Variants in HCN1 observed in about 807,000 individuals in gnomAD.
The protein encoded by HCN1 is hyperpolarization activated cyclic nucleotide gated potassium channel 1, also known as potassium/sodium hyperpolarization-activated cyclic nucleotide-gated channel 1.
Under a neutral mutation model 78.9 loss-of-function variants are expected in HCN1, and 13 were observed. The observed-to-expected ratio is 0.16, with a 90% confidence interval of 0.11 to 0.26. The LOEUF is 0.26. HCN1 is among the 10% of genes least tolerant of loss of function. The probability of loss-of-function intolerance (pLI) is 1.00; values close to 1 mark genes in which losing one functional copy is unlikely to be tolerated. For missense variants in HCN1, 810 were observed against 1,154.3 expected, an observed-to-expected ratio of 0.70 and a Z score of 4.32; for synonymous variants, 552 against 455.5, an observed-to-expected ratio of 1.21 and a Z score of -2.70.
At chr5:45,494,748 C>G (rs910883972) in intron 2 of HCN1, among the ~76,000 whole-genome samples, 3 of 152,270 alleles carry the variant, frequency 2.0e-5, no homozygotes, top group Admixed American at 6.5e-5. Flanking sequence ...ACGTTTAAGT[C>G]TTTACTCCAT....
At chr5:45,503,837 A>G (rs1172790890) in intron 2 of HCN1, among the ~76,000 whole-genome samples, 1 of 151,256 alleles carries the variant, frequency 6.6e-6, no homozygotes, top group Non-Finnish European at 1.5e-5. Context: ...CCAGGCTGGA[A>G]TACTATGGTG....
chr5:45,691,935 A>G (rs909310484), intron 1 of HCN1, among the ~76,000 whole-genome samples: 2 of 152,208 alleles, frequency 1.3e-5, no homozygotes, highest in African/African-American at 2.4e-5. Context: ...CAACAAAATA[A>G]GCTTTTCACA....
intron 6 of HCN1, among the ~76,000 whole-genome samples, chr5:45,299,753 G>C (rs1745571631): frequency 6.6e-6 from 1 of 151,824 alleles, no homozygotes; most frequent in Non-Finnish European, 1.5e-5. Flanking sequence ...TGCCTAGATT[G>C]TTTAAACTTC....
At chr5:45,512,285 G>T (rs1742431911) in intron 2 of HCN1, among the ~76,000 whole-genome samples, 2 of 152,038 alleles carry the variant, frequency 1.3e-5, no homozygotes, top group Non-Finnish European at 2.9e-5. Flanking sequence ...TGAAAACTTA[G>T]TGATCTTGTC....
intron 2 of HCN1, among the ~76,000 whole-genome samples, chr5:45,532,402 A>G (rs373398096): frequency 6.6e-6 from 1 of 152,228 alleles, no homozygotes; most frequent in African/African-American, 2.4e-5. Flanking sequence ...TTAGTTTACT[A>G]TAACTTTAGA....
At chr5:45,528,786 T>A (rs1742787888) in intron 2 of HCN1, among the ~76,000 whole-genome samples, 1 of 151,962 alleles carries the variant, frequency 6.6e-6, no homozygotes. Flanking sequence ...TGCTTGTGAT[T>A]TTGAGTCTCA....
rs534295372 is a variant in HCN1 at position 45,619,939 on chromosome 5, A to C, written c.849+25246T>G. 2.0e-5 allele frequency among the ~76,000 whole-genome samples: 3 copies of C among 152,208 alleles called. No individual in the cohort carries two copies. The South Asian group carries it at 6.2e-4, about 32-fold the overall frequency. Reference sequence around the variant, plus strand: ...GGGAAAGGAAAAATAGTATCTTTACAGTGGAGAAATCTGGTAAACATCACC... The same window carrying C: ...GGGAAAGGAAAAATAGTATCTTTACCGTGGAGAAATCTGGTAAACATCACC... On this transcript the variant is annotated intron_variant, in intron 2 of 7. Transcript: ENST00000303230.
intron 2 of HCN1, chr5:45,643,792 G>C (rs1403442841): frequency 6.6e-6 from 1 of 152,048 alleles, no homozygotes; most frequent in Non-Finnish European, 1.5e-5. Context: ...CGTGTAATAA[G>C]CCTTCAATAA....
At chr5:45,373,337 A>T (rs1232066495) in intron 4 of HCN1, among the ~76,000 whole-genome samples, 5 of 118,328 alleles carry the variant, frequency 4.2e-5, no homozygotes, top group South Asian at 4.8e-4. Flanking sequence ...TCATATATTT[A>T]ATATATAAAA....
rs542517829 is a variant in HCN1 at position 45,452,668 on chromosome 5, A to G, written c.1011+9178T>C. Among the ~76,000 whole-genome samples the G allele has an allele frequency of 1.3e-4, 20 of 152,084 alleles. 1 individual carries two copies. The highest frequency in any genetic ancestry group is 4.3e-4 in the African/African-American group (18 of 41,550). On this transcript the variant is annotated intron_variant, in intron 3 of 7. Coordinates refer to ENST00000303230, the MANE Select transcript of HCN1 (RefSeq NM_021072.4). ...CCTCAAAGTTTAAAGAAAATGGGCC[A>G]ATTAGTCTATTCTATATTTTAAGAT...
intron 3 of HCN1, among the ~76,000 whole-genome samples, chr5:45,428,181 T>A (rs1398536208): frequency 1.3e-5 from 2 of 152,068 alleles, no homozygotes; most frequent in African/African-American, 4.8e-5. Context: ...ATATGATAGA[T>A]GCAACATTTG....
At position 45,258,239 on chromosome 5, in the gene HCN1, A is replaced by G. The variant is rs1028621354; in HGVS notation, c.*3682T>C. The G allele has an allele frequency of 5.9e-5, 9 of 152,212 alleles. No individual in the cohort carries two copies. Among genetic ancestry groups the G allele is most frequent in the African/African-American group, 1.9e-4 (8 of 41,456 alleles). The allele number at this position is 152,212 out of a possible 1,614,324, so 9.4% of individuals were successfully genotyped here. A position where few individuals can be genotyped will look rare whatever the true frequency, so the allele number is the denominator to read the frequency against. ...ATAGAGATTGCTCATAATTTGAAGT[A>G]GACATAATTCAGGATTTGAAATAAA... On this transcript the variant is annotated 3_prime_UTR_variant, in exon 8 of 8. Transcript: ENST00000303230.
At chr5:45,571,795 T>A (rs1354095247) in intron 2 of HCN1, among the ~76,000 whole-genome samples, 3 of 152,038 alleles carry the variant, frequency 2.0e-5, no homozygotes, top group African/African-American at 7.2e-5. Flanking sequence ...ATGCCTGTAA[T>A]CCCACCTATT....
At chr5:45,597,238 TC>T (rs1744520385) in intron 2 of HCN1, among the ~76,000 whole-genome samples, 1 of 152,150 alleles carries the variant, frequency 6.6e-6, no homozygotes. Context: ...GTCAACTTCA[TC>T]CCTGGGATGC....
intron 4 of HCN1, among the ~76,000 whole-genome samples, chr5:45,372,326 TATATA>T (rs1283655064): frequency 4.9e-5 from 5 of 101,720 alleles, no homozygotes; most frequent in Non-Finnish European, 8.7e-5. Flanking sequence ...ATATATATGT[TATATA>T]ATATATATCA....
chr5:45,525,372 C>T (rs2111790263), intron 2 of HCN1, among the ~76,000 whole-genome samples: 1 of 151,942 alleles, frequency 6.6e-6, no homozygotes, highest in East Asian at 1.9e-4. Flanking sequence ...AGAAAATTAT[C>T]TTTGTCTGCA....
intron 2 of HCN1, among the ~76,000 whole-genome samples, chr5:45,595,211 T>C (rs1011468663): frequency 2.6e-5 from 4 of 152,218 alleles, no homozygotes; most frequent in African/African-American, 4.8e-5. Context: ...AGACCAGTCA[T>C]GCACAAGAAG....
At chr5:45,514,797 C>A (rs1742486281) in intron 2 of HCN1, among the ~76,000 whole-genome samples, 3 of 151,980 alleles carry the variant, frequency 2.0e-5, no homozygotes, top group Admixed American at 2.0e-4. Flanking sequence ...GGTATTTAGT[C>A]TACGAAACTC....
chr5:45,301,862 A>C (rs1745629799), intron 6 of HCN1, among the ~76,000 whole-genome samples: 1 of 152,076 alleles, frequency 6.6e-6, no homozygotes, highest in Admixed American at 6.6e-5. Context: ...CAAAATAATG[A>C]CAGATATTGT....
Sources: gnomAD v4.1 joint callset for allele counts (sites outside exome capture counted in the v4.1 genomes callset) on GRCh38, gnomAD v4.1.1 for gene constraint, MANE v1.5 for transcripts, NCBI Gene and HGNC (gene_info 2026-07-23, HGNC 2026-07-21) for gene names.